The following FOCAD variants were observed in gnomAD, a reference collection of about 807,000 sequenced individuals.
FOCAD encodes the protein focadhesin.
Under a neutral mutation model 225.6 loss-of-function variants are expected in FOCAD, and 198 were observed. That is an observed-to-expected ratio of 0.88 (90% CI 0.78 to 0.99). The LOEUF (loss-of-function observed/expected upper bound fraction) is 0.99, where lower values mean the gene tolerates loss of function less well. Ranked by LOEUF, FOCAD falls within the 50% of genes least tolerant of loss-of-function variation. The pLI, the probability that FOCAD is intolerant of heterozygous loss-of-function variation, is 0.00. For missense variants in FOCAD, 2,713 were observed against 2,123.6 expected (o/e 1.28, Z -5.46); for synonymous variants, 897 against 755.0 (o/e 1.19, Z -3.08).
chr9:20,861,263 A>G (rs940047686), intron 15 of FOCAD, among the ~76,000 whole-genome samples: 2 of 152,158 alleles, frequency 1.3e-5, no homozygotes, highest in African/African-American at 4.8e-5. Flanking sequence ...GGATTAGATC[A>G]TCTTTATATT....
chr9:20,770,026 A>G lies in FOCAD; in HGVS notation c.700-6A>G. 5 of 1,610,588 alleles carry G rather than the reference A, an allele frequency of 3.1e-6. No homozygotes were observed. The highest frequency in any genetic ancestry group is 4.2e-6 in the Non-Finnish European group (5 of 1,177,756). Reference sequence around the variant, plus strand: ...TTTAATATCATATAATGACTTTTTTAAACAGGTAAAAGATTTGATACAGAC... The same window carrying G: ...TTTAATATCATATAATGACTTTTTTGAACAGGTAAAAGATTTGATACAGAC... On this transcript the variant is annotated splice_region_variant and splice_polypyrimidine_tract_variant and intron_variant, in intron 7 of 43. Coordinates refer to ENST00000338382, the MANE Select transcript of FOCAD (RefSeq NM_001375567.1).
At chr9:20,827,238 A>T (rs1234088088) in intron 15 of FOCAD, among the ~76,000 whole-genome samples, 1 of 151,996 alleles carries the variant, frequency 6.6e-6, no homozygotes, top group Non-Finnish European at 1.5e-5. Flanking sequence ...GGCAACCATG[A>T]GTCTACTTTC....
At chr9:20,789,749 C>G (rs1462219127) in intron 11 of FOCAD, 141 bp downstream of exon 11, 3 of 1,027,354 alleles carry the variant, frequency 2.9e-6, no homozygotes, top group Non-Finnish European at 4.1e-6. Context: ...TATCTTTATC[C>G]TTCCATTTTT....
intron 35 of FOCAD, among the ~76,000 whole-genome samples, chr9:20,964,511 A>G (rs1839070342): frequency 6.6e-6 from 1 of 152,156 alleles, no homozygotes; most frequent in Admixed American, 6.6e-5. Context: ...GTAGCATAGC[A>G]CAGAAGAGTG....
intron 17 of FOCAD, 113 bp downstream of exon 17, chr9:20,866,089 C>T (rs1829203454): frequency 1.1e-6 from 1 of 871,748 alleles, no homozygotes. Context: ...ATAATGGGTT[C>T]CCAATTTTTA....
intron 1 of FOCAD, among the ~76,000 whole-genome samples, chr9:20,709,470 C>T (rs993207812): frequency 6.7e-6 from 1 of 149,682 alleles, no homozygotes; most frequent in Non-Finnish European, 1.5e-5. Flanking sequence ...GACTGCTCTC[C>T]AGACTGGGTG....
intron 2 of FOCAD, among the ~76,000 whole-genome samples, chr9:20,659,908 C>G (rs773119360): frequency 6.6e-6 from 1 of 152,150 alleles, no homozygotes; most frequent in Non-Finnish European, 1.5e-5. Flanking sequence ...TGAGAGATAG[C>G]TCAGAGGTAA....
chr9:20,715,273 A>G (rs1035481976), intron 1 of FOCAD, 49 bp from the exon 2 acceptor site: 13 of 860,916 alleles, frequency 1.5e-5, no homozygotes, highest in Admixed American at 7.6e-5. Flanking sequence ...TGGAGCCCCA[A>G]TTCAGACCAG....
At chr9:20,657,993 A>T (rs1395544216), upstream of FOCAD, among the ~76,000 whole-genome samples, 1 of 141,968 alleles carries the variant, frequency 7.0e-6, no homozygotes, top group Non-Finnish European at 1.5e-5. Flanking sequence ...TTTTCCTTCT[A>T]ACAGACAGGA....
intron 4 of FOCAD, among the ~76,000 whole-genome samples, chr9:20,737,312 A>G (rs1397954192): frequency 1.3e-5 from 2 of 152,208 alleles, no homozygotes; most frequent in Admixed American, 6.5e-5. Flanking sequence ...AAAACCATAG[A>G]TCTGTTATCT....
chr9:20,943,807 C>G (rs1023072255), intron 28 of FOCAD, among the ~76,000 whole-genome samples: 1 of 152,168 alleles, frequency 6.6e-6, no homozygotes, highest in African/African-American at 2.4e-5. Flanking sequence ...ATTTAAAAAA[C>G]AATGACAAAA....
intron 11 of FOCAD, among the ~76,000 whole-genome samples, chr9:20,790,443 T>A (rs1353575565): frequency 6.6e-6 from 1 of 152,010 alleles, no homozygotes; most frequent in Non-Finnish European, 1.5e-5. Flanking sequence ...GAGGAAAAAA[T>A]TTGATGGTAG....
At chr9:20,725,690 A>G (rs1826140349) in intron 4 of FOCAD, among the ~76,000 whole-genome samples, 1 of 152,204 alleles carries the variant, frequency 6.6e-6, no homozygotes, top group Non-Finnish European at 1.5e-5. Flanking sequence ...CCAAGCCCAC[A>G]ATTTGAGAAA....
intron 18 of FOCAD, among the ~76,000 whole-genome samples, chr9:20,873,128 C>G (rs779268486): frequency 6.6e-5 from 10 of 152,042 alleles, no homozygotes; most frequent in Non-Finnish European, 1.5e-4. Flanking sequence ...ATTCTATGAA[C>G]ATTTGTATGC....
intron 23 of FOCAD, among the ~76,000 whole-genome samples, chr9:20,915,713 G>A (rs1833813725): frequency 6.6e-6 from 1 of 152,138 alleles, no homozygotes; most frequent in Non-Finnish European, 1.5e-5. Flanking sequence ...TCTTCTTTTA[G>A]AGGGTAGATA....
At chr9:20,874,596 T>C in intron 18 of FOCAD, 85 bp from the exon 19 acceptor site, 1 of 1,468,732 alleles carries the variant, frequency 6.8e-7, no homozygotes, top group South Asian at 1.3e-5. Context: ...AATTTTAAAA[T>C]CTTGTCACAA....
chr9:20,832,331 T>A (rs1307344018), intron 15 of FOCAD, among the ~76,000 whole-genome samples: 1 of 152,070 alleles, frequency 6.6e-6, no homozygotes, highest in African/African-American at 2.4e-5. Flanking sequence ...TCTCCCCAAA[T>A]AAGTCAGATT....
chr9:20,728,479 T>C (rs1452043492), intron 4 of FOCAD, among the ~76,000 whole-genome samples: 1 of 152,218 alleles, frequency 6.6e-6, no homozygotes, highest in Non-Finnish European at 1.5e-5. Flanking sequence ...ACTTGTGGTG[T>C]CACATCAGTG....
intron 35 of FOCAD, 67 bp downstream of exon 35, chr9:20,953,132 C>T: frequency 8.1e-7 from 1 of 1,227,074 alleles, no homozygotes; most frequent in Middle Eastern, 1.9e-4. Flanking sequence ...ATTTGTGTAC[C>T]CTAAGCATGC....
Sources: allele counts gnomAD v4.1 joint callset (sites outside exome capture counted in the v4.1 genomes callset), GRCh38; gene constraint gnomAD v4.1.1; transcripts MANE v1.5; gene names NCBI Gene and HGNC (gene_info 2026-07-23, HGNC 2026-07-21).